Variants in CENPP observed in about 807,000 individuals in gnomAD.
CENPP encodes centromere protein P.
In CENPP, 24 loss-of-function variants were observed where a neutral mutation model predicts 35.6. The observed-to-expected ratio is 0.67, with a 90% CI of 0.49 to 0.95. CENPP has a LOEUF of 0.95. CENPP is among the 40% of genes least tolerant of loss of function. The pLI is 0.00. For synonymous variants in CENPP, 120 were observed against 125.5 expected (o/e 0.96, Z 0.29); for missense variants, 332 against 345.3 (o/e 0.96, Z 0.31).
chr9:92,389,960 G>A, intron 5 of CENPP: 1 of 1,610,176 alleles, frequency 6.2e-7, no homozygotes, highest in Non-Finnish European at 8.5e-7. Context: ...TTGATTTTCA[G>A]CAAGTGAAAG....
rs1020034140 is a variant in CENPP at position 92,493,972 on chromosome 9, A to T, written c.564+114113A>T. 4.9e-5 allele frequency: 48 copies of T among 980,544 alleles called. No homozygotes were observed. In the African/African-American group the frequency reaches 7.3e-4, roughly 15 times the overall value. 60.7% of individuals were successfully genotyped at this position (980,544 alleles called of 1,614,324 possible). On this transcript the variant is annotated intron_variant, in intron 5 of 7. Transcript: ENST00000375587. Reference sequence around the variant, plus strand: ...AATCCAGGCCGTTGAGGGTGGCCGTAGTCTCCTGGCGGCCCTCAGGCCCCA... The same window carrying T: ...AATCCAGGCCGTTGAGGGTGGCCGTTGTCTCCTGGCGGCCCTCAGGCCCCA...
intron 5 of CENPP, among the ~76,000 whole-genome samples, chr9:92,529,095 G>C (rs771321379): frequency 4.6e-5 from 7 of 151,982 alleles, no homozygotes; most frequent in Non-Finnish European, 7.4e-5. Context: ...ACATGACAAG[G>C]GATGAATAGC....
At chr9:92,345,112 G>T (rs1261869572) in intron 3 of CENPP, among the ~76,000 whole-genome samples, 1 of 151,978 alleles carries the variant, frequency 6.6e-6, no homozygotes, top group African/African-American at 2.4e-5. Context: ...AATTAGCCAG[G>T]CATGGTGGCG....
At chr9:92,514,585 A>C in intron 5 of CENPP, 1 of 1,526,946 alleles carries the variant, frequency 6.5e-7, no homozygotes, top group Non-Finnish European at 8.8e-7. Flanking sequence ...GCTAAGAGTC[A>C]TTTACTTTTA....
intron 5 of CENPP, among the ~76,000 whole-genome samples, chr9:92,418,017 C>G (rs1265467047): frequency 1.3e-5 from 2 of 148,726 alleles, no homozygotes; most frequent in Non-Finnish European, 3.0e-5. Context: ...TGTGAGCCAC[C>G]ACGCCTGGCC....
rs769898708 is a variant in CENPP, at chr9:92,393,142, A to G, written c.564+13283A>G. The G allele has an allele frequency of 2.5e-6, 4 of 1,614,000 alleles. No individual in the cohort carries two copies. The highest frequency in any genetic ancestry group is 1.1e-5 in the South Asian group (1 of 91,060). ...TTTAATTTTGTTGAATCGTGCGTAA[A>G]GATAGGCTGATTCCTTTGGTAAGGG... On this transcript the variant is annotated intron_variant, in intron 5 of 7. Transcript: ENST00000375587.
intron 5 of CENPP, among the ~76,000 whole-genome samples, chr9:92,524,952 G>A (rs966521903): frequency 1.2e-4 from 18 of 152,134 alleles, no homozygotes; most frequent in African/African-American, 4.3e-4. Flanking sequence ...CAAAGGAGAG[G>A]CATTGAAGGA....
At chr9:92,375,552 T>G (rs1842106309) in intron 4 of CENPP, among the ~76,000 whole-genome samples, 1 of 152,136 alleles carries the variant, frequency 6.6e-6, no homozygotes, top group Non-Finnish European at 1.5e-5. Flanking sequence ...CACCTCGGCC[T>G]CCCAAAGTGC....
At chr9:92,601,348 C>T (rs935472435) in intron 5 of CENPP, among the ~76,000 whole-genome samples, 4 of 152,130 alleles carry the variant, frequency 2.6e-5, no homozygotes, top group East Asian at 1.9e-4. Context: ...TTCAGTCGGA[C>T]GCTGTGTCAG....
chr9:92,360,338 A>G (rs7027440), intron 4 of CENPP, among the ~76,000 whole-genome samples: 1,541 of 152,244 alleles, frequency 0.01, 23 homozygotes, highest in African/African-American at 0.033. Context: ...AATTATATTC[A>G]CATGTATGTG....
At chr9:92,612,651 C>T in intron 7 of CENPP, 37 bp downstream of exon 7, 3 of 1,496,728 alleles carry the variant, frequency 2.0e-6, no homozygotes, top group Non-Finnish European at 2.8e-6. Context: ...GGTGACTTCT[C>T]AACATGCCCA....
intron 5 of CENPP, among the ~76,000 whole-genome samples, chr9:92,557,419 C>T (rs991119412): frequency 2.6e-5 from 4 of 152,150 alleles, no homozygotes; most frequent in African/African-American, 9.7e-5. Context: ...ATATGTTTTT[C>T]AAGCTTTTAG....
intron 4 of CENPP, 116 bp downstream of exon 4, chr9:92,345,903 A>T (rs1471443001): frequency 1.6e-6 from 1 of 627,486 alleles, no homozygotes; most frequent in Non-Finnish European, 2.8e-6. Flanking sequence ...TGAAAGTATA[A>T]CACCACTGTT....
At chr9:92,417,009 C>T (rs757336032) in intron 5 of CENPP, 1 of 1,613,918 alleles carries the variant, frequency 6.2e-7, no homozygotes, top group African/African-American at 1.3e-5. Flanking sequence ...TTTACTAGCC[C>T]ATCCATAGCA....
chr9:92,545,277 G>A (rs961973317), intron 5 of CENPP, among the ~76,000 whole-genome samples: 1 of 152,178 alleles, frequency 6.6e-6, no homozygotes, highest in African/African-American at 2.4e-5. Context: ...TGGAGAGAGA[G>A]GTACGGGCGG....
chr9:92,533,328 A>AAAAAAAAATATATATAT (rs1554683138), intron 5 of CENPP, among the ~76,000 whole-genome samples: 3 of 38,334 alleles, frequency 7.8e-5, no homozygotes, highest in African/African-American at 1.5e-4. Flanking sequence ...AAAAAAAAAA[A>AAAAAAAAATATATATAT]ATATATATAT....
At chr9:92,502,364 G>A (rs1458668131) in intron 5 of CENPP, 1 of 959,032 alleles carries the variant, frequency 1.0e-6, no homozygotes, top group Non-Finnish European at 1.6e-6. Context: ...TGGGGATAGG[G>A]TAAGGGTTCA....
intron 5 of CENPP, chr9:92,522,580 A>C (rs201265258): frequency 1.2e-6 from 2 of 1,608,862 alleles, no homozygotes; most frequent in Admixed American, 1.7e-5. Flanking sequence ...CTTACCTGGT[A>C]ACACATTATA....
At chr9:92,461,471 C>T (rs1845107689) in intron 5 of CENPP, among the ~76,000 whole-genome samples, 1 of 152,194 alleles carries the variant, frequency 6.6e-6, no homozygotes, top group Non-Finnish European at 1.5e-5. Flanking sequence ...CATACTCCCT[C>T]CTTTTTTCTC....
Sources: allele counts gnomAD v4.1 joint callset (sites outside exome capture counted in the v4.1 genomes callset), GRCh38; gene constraint gnomAD v4.1.1; transcripts MANE v1.5; gene names NCBI Gene and HGNC (gene_info 2026-07-23, HGNC 2026-07-21).